The following ZNF439 variants were observed in gnomAD, a reference collection of about 807,000 sequenced individuals.
The protein encoded by ZNF439 is zinc finger protein 439.
In ZNF439, 40 loss-of-function variants were observed where a neutral mutation model predicts 47.3. The observed-to-expected ratio is 0.85, with a 90% confidence interval of 0.66 to 1.10. The LOEUF (loss-of-function observed/expected upper bound fraction) is 1.10, where lower values mean the gene tolerates loss of function less well. Ranked by LOEUF, ZNF439 falls within the 50% of genes least tolerant of loss-of-function variation. The probability of loss-of-function intolerance (pLI) is 0.00; values close to 1 mark genes in which losing one functional copy is unlikely to be tolerated. For synonymous variants in ZNF439, 171 were observed against 198.8 expected, an observed-to-expected ratio of 0.86 and a Z score of 1.18; for missense variants, 556 against 601.1, an observed-to-expected ratio of 0.93 and a Z score of 0.78.
intron 1 of ZNF439, 142 bp from the exon 2 acceptor site, chr19:11,866,063 C>T: frequency 6.6e-7 from 1 of 1,517,234 alleles, no homozygotes; most frequent in Non-Finnish European, 8.8e-7. Context: ...TAAGTATAGA[C>T]AGAGAGAAAG....
rs545957946 is a variant in ZNF439 at position 11,864,832 on chromosome 19, T to C, written c.64-1373T>C. ...TTTTTGAGATGCAGTTTCACTCTTG[T>C]TGCCCAGGCTGGAGTGCAATGGCAC... On this transcript the variant is annotated intron_variant, in intron 1 of 3. Coordinates refer to ENST00000682736, the MANE Select transcript of ZNF439 (RefSeq NM_001348719.2). 1.1e-3 allele frequency among the ~76,000 whole-genome samples: 172 copies of C among 152,214 alleles called. 1 individual carries two copies. Among genetic ancestry groups the C allele is most frequent in the Non-Finnish European group, 2.0e-3 (135 of 68,000 alleles).
rs1406447732 is a variant in ZNF439, at chr19:11,868,058, A to G, written c.1004A>G (p.Gln335Arg). ...AGGAAAAAACTTTATGAATGTAAGC[A>G]GTGTGGGAAAGCATTATCCTCTCTT... ...HSRKKLYECK[Q>R]CGKALSSLTS... The change falls in exon 4 of 4, where the codon CAG becomes CGG. Residue 335 changes from glutamine to arginine, a missense_variant. By Grantham distance (43) the Gln-to-Arg change is conservative. Transcript: ENST00000682736. 1.9e-6 allele frequency: 3 copies of G among 1,614,116 alleles called. No individual in the cohort carries two copies. The highest frequency in any genetic ancestry group is 2.7e-5 in the African/African-American group (2 of 74,940).
In ZNF439 at chr19:11,868,380, G is replaced by A. The variant is rs150203756; in HGVS notation, c.1326G>A (p.Pro442=). 32 of 1,603,298 alleles carry A rather than the reference G, an allele frequency of 2.0e-5. No homozygotes were observed. Among genetic ancestry groups the A allele is most frequent in the African/African-American group, 9.5e-5 (7 of 73,978 alleles). Residue 442 remains proline (P), a synonymous_variant, in exon 4 of 4, where the codon CCG becomes CCA. Transcript: ENST00000682736. ...LHGRTHTGEK[P]YQCKECGKAF... is the part of the protein sequence containing the mutation. ...GTAGGACTCACACTGGAGAGAAACC[G>A]TATCAATGTAAGGAATGTGGGAAAG...
chr19:11,852,442 A>G (rs1326530708), intron 1 of ZNF439, among the ~76,000 whole-genome samples: 39 of 152,174 alleles, frequency 2.6e-4, no homozygotes, highest in Admixed American at 2.6e-3. Context: ...ACTCAACCCC[A>G]TGATCACATT....
chr19:11,859,197 T>C (rs1024602464), intron 1 of ZNF439, among the ~76,000 whole-genome samples: 1 of 152,192 alleles, frequency 6.6e-6, no homozygotes, highest in Non-Finnish European at 1.5e-5. Flanking sequence ...TTCAAGAAAA[T>C]GTGCACAGGG....
At chr19:11,858,788 G>C (rs748918531) in intron 1 of ZNF439, among the ~76,000 whole-genome samples, 23 of 152,182 alleles carry the variant, frequency 1.5e-4, no homozygotes, top group Non-Finnish European at 2.9e-4. Flanking sequence ...TGGTAAGGCA[G>C]TAGGTGAAGG....
chr19:11,850,557 T>C (rs1048456079), intron 1 of ZNF439: 6 of 151,990 alleles, frequency 3.9e-5, no homozygotes, highest in Non-Finnish European at 8.8e-5. Context: ...AGCAGAAAGA[T>C]AGCAATGACC....
At chr19:11,852,371 C>T (rs183349528) in intron 1 of ZNF439, among the ~76,000 whole-genome samples, 4 of 152,274 alleles carry the variant, frequency 2.6e-5, no homozygotes, top group Admixed American at 6.5e-5. Flanking sequence ...AGAAGGAAGG[C>T]GAATCTGTAA....
intron 1 of ZNF439, chr19:11,849,263 G>T (rs1387753592): frequency 8.8e-6 from 9 of 1,017,888 alleles, no homozygotes; most frequent in Non-Finnish European, 1.1e-5. Context: ...GAGGAGCAGC[G>T]GTCTGTGGGG....
Position 11,869,017 on chromosome 19 carries a change from T to C in ZNF439, c.*448T>C, listed in dbSNP as rs1245459740. ...GAATGCAAACAAGCATTCAATTATT[T>C]TTCTTCCTTGCATATACATGAAAGG... On this transcript the variant is annotated 3_prime_UTR_variant, in exon 4 of 4. Transcript: ENST00000682736. The C allele has an allele frequency of 3.5e-6, 1 of 284,586 alleles. No individual in the cohort carries two copies. Among genetic ancestry groups the C allele is most frequent in the East Asian group, 1.1e-4 (1 of 9,194 alleles). 17.6% of individuals were successfully genotyped at this position (284,586 alleles called of 1,614,324 possible). A position where few individuals can be genotyped will look rare whatever the true frequency, so the allele number is the denominator to read the frequency against.
At chr19:11,864,796 T>A (rs1976629513) in intron 1 of ZNF439, among the ~76,000 whole-genome samples, 1 of 152,000 alleles carries the variant, frequency 6.6e-6, no homozygotes, top group Non-Finnish European at 1.5e-5. Flanking sequence ...GTTTTCTTTC[T>A]TTCTTTTTTT....
chr19:11,864,926 A>G (rs1364942976), intron 1 of ZNF439, among the ~76,000 whole-genome samples: 2 of 151,928 alleles, frequency 1.3e-5, no homozygotes, highest in Non-Finnish European at 2.9e-5. Flanking sequence ...GATTACAGGC[A>G]TGCGCCACCA....
intron 1 of ZNF439, 43 bp downstream of exon 1, chr19:11,848,973 C>T (rs1317881080): frequency 2.0e-6 from 3 of 1,507,488 alleles, no homozygotes; most frequent in East Asian, 5.4e-5. Context: ...GGAGGGGCTG[C>T]CTGGAACTGG....
chr19:11,863,733 G>A lies in ZNF439; in HGVS notation c.64-2472G>A, dbSNP rs113653505. On this transcript the variant is annotated intron_variant, in intron 1 of 3. Transcript: ENST00000682736. ...CAAGGTTGTCTTGGTTTTCACAAGTGTTAAGTTCTAGAAGTTGTGAGTTTT... is the reference window on the plus strand; with the variant it reads ...CAAGGTTGTCTTGGTTTTCACAAGTATTAAGTTCTAGAAGTTGTGAGTTTT... Among the ~76,000 whole-genome samples the A allele has an allele frequency of 5.5e-3, 845 of 152,298 alleles. 7 individuals are homozygous for A. Among genetic ancestry groups the A allele is most frequent in the African/African-American group, 0.019 (791 of 41,568 alleles).
chr19:11,850,450 A>G (rs1599308277), intron 1 of ZNF439: 1 of 152,154 alleles, frequency 6.6e-6, no homozygotes, highest in African/African-American at 2.4e-5. Context: ...CAAACCAGAT[A>G]AATGCTTGAT....
chr19:11,860,967 A>C (rs565879982), intron 1 of ZNF439, among the ~76,000 whole-genome samples: 1 of 152,286 alleles, frequency 6.6e-6, no homozygotes, highest in East Asian at 1.9e-4. Flanking sequence ...CACGACCCTC[A>C]AGTCTTTGGC....
chr19:11,866,059 T>C, intron 1 of ZNF439, 146 bp from the exon 2 acceptor site: 1 of 1,519,540 alleles, frequency 6.6e-7, no homozygotes, highest in Non-Finnish European at 8.8e-7. Flanking sequence ...AAAGTAAGTA[T>C]AGACAGAGAG....
rs762309600 is a variant in ZNF439, at chr19:11,868,275, G to T, written c.1221G>T (p.Arg407Ser). ...TRSGSFRYHE[R>S]THTGEKPYEC... ...CCGGTTCCTTTCGATATCATGAAAG[G>T]ACTCACACTGGAGAGAAACCCTATG... Residue 407 changes from arginine (R) to serine (S), a missense_variant, in exon 4 of 4, where the codon AGG becomes AGT. By Grantham distance (110) the Arg-to-Ser change is moderately radical. Coordinates refer to ENST00000682736, the MANE Select transcript of ZNF439 (RefSeq NM_001348719.2). 3.7e-6 allele frequency: 6 copies of T among 1,613,644 alleles called. No individual in the cohort carries two copies. Among genetic ancestry groups the T allele is most frequent in the Non-Finnish European group, 8.5e-7 (1 of 1,179,938 alleles).
intron 1 of ZNF439, chr19:11,857,731 C>T (rs995456840): frequency 2.0e-5 from 3 of 152,198 alleles, no homozygotes; most frequent in African/African-American, 7.2e-5. Context: ...AATGAATATC[C>T]CCTAACAACT....
Sources: allele counts gnomAD v4.1 joint callset (sites outside exome capture counted in the v4.1 genomes callset), GRCh38; gene constraint gnomAD v4.1.1; transcripts MANE v1.5; gene names NCBI Gene and HGNC (gene_info 2026-07-23, HGNC 2026-07-21).